Variants in STK31 observed in about 807,000 individuals in gnomAD.
STK31 encodes serine/threonine kinase 31.
A neutral mutation model predicts 129.7 loss-of-function variants in STK31; 89 were observed. That is an observed-to-expected ratio of 0.69 (90% confidence interval 0.58 to 0.82). STK31 has a LOEUF of 0.82. Among genes scored for constraint, STK31 ranks in the 40% least tolerant of loss-of-function variants. The probability of loss-of-function intolerance (pLI) is 0.00; values close to 1 mark genes in which losing one functional copy is unlikely to be tolerated. For synonymous variants in STK31, 448 were observed against 395.3 expected, an observed-to-expected ratio of 1.13 and a Z score of -1.58; for missense variants, 1,187 against 1,176.4, an observed-to-expected ratio of 1.01 and a Z score of -0.13.
upstream of STK31, chr7:23,710,086 G>C (rs958135116): frequency 3.3e-5 from 28 of 843,520 alleles, no homozygotes; most frequent in Admixed American, 1.3e-4. Context: ...CAGTGCCTGG[G>C]GGTCGGCAGC....
intron 3 of STK31, among the ~76,000 whole-genome samples, chr7:23,713,158 A>G (rs1243723731): frequency 1.3e-5 from 2 of 152,190 alleles, no homozygotes; most frequent in African/African-American, 4.8e-5. Flanking sequence ...AACCTGGATG[A>G]TATAGCCTAC....
chr7:23,718,481 C>T (rs535186344), intron 4 of STK31, among the ~76,000 whole-genome samples: 8 of 152,072 alleles, frequency 5.3e-5, no homozygotes, highest in African/African-American at 9.7e-5. Flanking sequence ...AAAATTCCTT[C>T]GGGCCCCTTC....
At chr7:23,713,736 T>C (rs1182440912) in intron 3 of STK31, among the ~76,000 whole-genome samples, 2 of 152,174 alleles carry the variant, frequency 1.3e-5, no homozygotes, top group Non-Finnish European at 1.5e-5. Flanking sequence ...GGGTCAGTAA[T>C]GTGCATGGAG....
intron 15 of STK31, among the ~76,000 whole-genome samples, chr7:23,773,077 G>T (rs1473675517): frequency 6.6e-6 from 1 of 152,028 alleles, no homozygotes; most frequent in Non-Finnish European, 1.5e-5. Context: ...TAAGTTCTGG[G>T]ATACATGTGC....
chr7:23,778,563 T>G (rs1179849041), intron 15 of STK31, among the ~76,000 whole-genome samples: 1 of 152,068 alleles, frequency 6.6e-6, no homozygotes, highest in African/African-American at 2.4e-5. Context: ...CTTGTCTTCA[T>G]GCTTTATTTC....
chr7:23,796,189 G>A (rs192608156), intron 22 of STK31, among the ~76,000 whole-genome samples: 2 of 152,168 alleles, frequency 1.3e-5, no homozygotes, highest in Admixed American at 6.5e-5. Context: ...ATTACGGGGT[G>A]GTTCCCCCAT....
intron 23 of STK31, among the ~76,000 whole-genome samples, chr7:23,826,904 G>A (rs1277335309): frequency 1.3e-5 from 2 of 151,990 alleles, no homozygotes; most frequent in Non-Finnish European, 2.9e-5. Context: ...TTTTCTTTAA[G>A]AATGTTGAAT....
intron 16 of STK31, among the ~76,000 whole-genome samples, chr7:23,781,894 A>T (rs1790952612): frequency 6.6e-6 from 1 of 152,184 alleles, no homozygotes; most frequent in African/African-American, 2.4e-5. Context: ...TTTCTGTTTA[A>T]CATAAAACCT....
At chr7:23,831,273 A>T (rs1173961246) in intron 23 of STK31, among the ~76,000 whole-genome samples, 1 of 152,112 alleles carries the variant, frequency 6.6e-6, no homozygotes, top group Non-Finnish European at 1.5e-5. Flanking sequence ...TGATTTATAT[A>T]TCTGGGTGCT....
chr7:23,800,668 A>T, intron 22 of STK31, among the ~76,000 whole-genome samples: 1 of 152,218 alleles, frequency 6.6e-6, no homozygotes, highest in East Asian at 1.9e-4. Context: ...TGATGGGTGC[A>T]GCAAACCACC....
chr7:23,767,103 T>G (rs528425457), intron 11 of STK31, among the ~76,000 whole-genome samples: 1 of 152,330 alleles, frequency 6.6e-6, no homozygotes, highest in African/African-American at 2.4e-5. Flanking sequence ...GGCTTTTGTG[T>G]TTCCAATATT....
At chr7:23,815,891 A>G (rs869233614) in intron 23 of STK31, among the ~76,000 whole-genome samples, 1 of 151,836 alleles carries the variant, frequency 6.6e-6, no homozygotes, top group Non-Finnish European at 1.5e-5. Flanking sequence ...ATGACTAGAT[A>G]TAAAGAGGAT....
intron 23 of STK31, among the ~76,000 whole-genome samples, chr7:23,821,517 C>G (rs912773741): frequency 6.6e-6 from 1 of 151,672 alleles, no homozygotes; most frequent in Non-Finnish European, 1.5e-5. Context: ...GAATTGTTTT[C>G]CCTGTCGAGT....
chr7:23,737,191 T>G, intron 8 of STK31, 113 bp downstream of exon 8: 1 of 949,718 alleles, frequency 1.1e-6, no homozygotes, highest in Non-Finnish European at 1.4e-6. Flanking sequence ...TTCTCTCCTT[T>G]GCTAATCCCT....
At chr7:23,713,085 A>G (rs1387514105) in intron 3 of STK31, among the ~76,000 whole-genome samples, 4 of 152,206 alleles carry the variant, frequency 2.6e-5, no homozygotes, top group African/African-American at 9.6e-5. Flanking sequence ...TGGGATACAT[A>G]CAGAGAAATG....
intron 1 of STK31, among the ~76,000 whole-genome samples, chr7:23,711,590 T>G (rs934222120): frequency 6.6e-6 from 1 of 152,194 alleles, no homozygotes; most frequent in Non-Finnish European, 1.5e-5. Context: ...GTAATTAAAA[T>G]TATTTTTGAA....
chr7:23,749,187 A>G lies in STK31; in HGVS notation c.1018-3530A>G, dbSNP rs113454643. On this transcript the variant is annotated intron_variant, in intron 8 of 23. Coordinates refer to ENST00000355870, the MANE Select transcript of STK31 (RefSeq NM_031414.5). ...TTACTACATGCTATCTACTTTCTCC[A>G]TTATGATGCGTAGCATATTAATCAT... 3.0e-4 allele frequency among the ~76,000 whole-genome samples: 45 copies of G among 152,274 alleles called. No homozygotes were observed. The East Asian group carries it at 8.3e-3, about 28-fold the overall frequency.
At position 23,832,235 on chromosome 7, in the gene STK31, G is replaced by A. The variant is rs747641542; in HGVS notation, c.2929G>A (p.Glu977Lys). Residue 977 changes from glutamate (E) to lysine (K), a missense_variant, in exon 24 of 24, where the codon GAG becomes AAG. Coordinates refer to ENST00000355870, the MANE Select transcript of STK31 (RefSeq NM_031414.5). ...LNAECFLMPK[E>K]QSVPNPEKDT... Reference sequence around the variant, plus strand: ...TGCTGAATGTTTCTTGATGCCAAAGGAGCAATCAGTTCCAAACCCAGAAAA... The same window carrying A: ...TGCTGAATGTTTCTTGATGCCAAAGAAGCAATCAGTTCCAAACCCAGAAAA... 8.7e-6 allele frequency: 14 copies of A among 1,613,916 alleles called. No individual in the cohort carries two copies. The Admixed American group carries it at 2.2e-4, about 25-fold the overall frequency.
chr7:23,725,797 A>G (rs370511196), intron 4 of STK31: 13 of 152,252 alleles, frequency 8.5e-5, no homozygotes, highest in African/African-American at 3.1e-4. Flanking sequence ...GTCTTCAGAC[A>G]TTAAAATAGT....
Sources: allele counts gnomAD v4.1 joint callset (sites outside exome capture counted in the v4.1 genomes callset), GRCh38; gene constraint gnomAD v4.1.1; transcripts MANE v1.5; gene names NCBI Gene and HGNC (gene_info 2026-07-23, HGNC 2026-07-21).